The following ASRGL1 variants were observed in gnomAD, a reference collection of about 807,000 sequenced individuals.
ASRGL1 encodes the protein isoaspartyl peptidase/L-asparaginase.
A neutral mutation model predicts 22.4 loss-of-function variants in ASRGL1; 16 were observed. The observed-to-expected ratio is 0.71, with a 90% CI of 0.48 to 1.08. The LOEUF (loss-of-function observed/expected upper bound fraction) is 1.08. Ranked by LOEUF, ASRGL1 falls within the 50% of genes least tolerant of loss-of-function variation. The pLI, the probability that ASRGL1 is intolerant of heterozygous loss-of-function variation, is 0.00. For synonymous variants in ASRGL1, 165 were observed against 159.3 expected (o/e 1.04, Z -0.27); for missense variants, 412 against 410.1 (o/e 1.00, Z -0.04).
chr11:62,389,269 C>G lies in ASRGL1; in HGVS notation c.610+18C>G. On this transcript the variant is annotated intron_variant, in intron 5 of 6. Transcript: ENST00000415229. ...GTGTCTAGGTAGGACCAAGGGATGC[C>G]TCCTGCCCCTTCCCCTCTTCTCCCG... 1.9e-6 allele frequency: 3 copies of G among 1,593,040 alleles called. No homozygotes were observed. The highest frequency in any genetic ancestry group is 2.6e-6 in the Non-Finnish European group (3 of 1,160,826).
Position 62,389,160 on chromosome 11 carries a change from C to T in ASRGL1, c.519C>T (p.Ala173=). Residue 173 remains alanine (A), a synonymous_variant, in exon 5 of 7, where the codon GCC becomes GCT. Transcript: ENST00000415229. The part of the protein sequence containing the change: ...QKNLGTVGAV[A]LDCKGNVAYA... The stretch of plus-strand genomic sequence containing the variant: ...ACTTGGGAACCGTGGGTGCTGTTGC[C>T]TTGGACTGCAAAGGGAATGTAGCCT... 2 of 1,613,864 alleles carry T rather than the reference C, an allele frequency of 1.2e-6. No homozygotes were observed. Among genetic ancestry groups the T allele is most frequent in the Non-Finnish European group, 1.7e-6 (2 of 1,179,834 alleles).
chr11:62,338,448 A>G, intron 2 of ASRGL1: 1 of 379,316 alleles, frequency 2.6e-6, no homozygotes, highest in South Asian at 6.0e-5. Context: ...ATAAGATGTC[A>G]ATCAGTACAT....
intron 2 of ASRGL1, among the ~76,000 whole-genome samples, chr11:62,342,781 G>C (rs1261444356): frequency 5.3e-5 from 8 of 151,812 alleles, no homozygotes; most frequent in Admixed American, 5.3e-4. Flanking sequence ...AGTCATAAAT[G>C]GAATCACACA....
rs959296704 is a variant in ASRGL1, at chr11:62,355,075, G to A, written c.191-1250G>A. 7.3e-5 allele frequency among the ~76,000 whole-genome samples: 11 copies of A among 151,394 alleles called. No homozygotes were observed. The East Asian group carries it at 1.9e-3, about 27-fold the overall frequency. ...TGGGATTACAGGCACGCACCACCAC[G>A]CCTGGCTAGTTTTTATATTTTTAGT... On this transcript the variant is annotated intron_variant, in intron 2 of 6. Coordinates refer to ENST00000415229, the MANE Select transcript of ASRGL1 (RefSeq NM_001083926.2).
rs564551123 is a variant in ASRGL1 at position 62,357,008 on chromosome 11, G to C, written c.355G>C (p.Asp119His). 6.2e-7 allele frequency: 1 copy of C among 1,611,146 alleles called. No homozygotes were observed. The highest frequency in any genetic ancestry group is 1.3e-5 in the African/African-American group (1 of 74,758). The stretch of plus-strand genomic sequence containing the variant: ...TCAGACACCTCATTGCTTTCTGACT[G>C]ACCAAGGCGCAGCGCAGTTTGCAGC... ...MEKTPHCFLT[D>H]QGAAQFAAAM... The change falls in exon 4 of 7, where the codon GAC becomes CAC. Residue 119 changes from aspartate to histidine, a missense_variant. Physicochemically the swap from Asp to His is moderately conservative, Grantham distance 81 (BLOSUM62 -1). Transcript: ENST00000415229.
intron 4 of ASRGL1, among the ~76,000 whole-genome samples, chr11:62,365,079 A>G (rs918848396): frequency 9.2e-5 from 14 of 151,902 alleles, no homozygotes; most frequent in East Asian, 3.9e-4. Context: ...AAAAAAAAAA[A>G]AAAGAAAGAA....
intron 4 of ASRGL1, among the ~76,000 whole-genome samples, chr11:62,373,962 A>G (rs561657155): frequency 6.6e-6 from 1 of 152,356 alleles, no homozygotes; most frequent in Admixed American, 6.5e-5. Context: ...CTGCGGAGCC[A>G]GGGCTGAGCC....
At chr11:62,383,994 ATGCATCTGTGTGTG>A (rs959537208) in intron 4 of ASRGL1, among the ~76,000 whole-genome samples, 6 of 150,994 alleles carry the variant, frequency 4.0e-5, no homozygotes, top group African/African-American at 7.3e-5. Flanking sequence ...AACTTATTAA[ATGCATCTGTGTGTG>A]TGCATGTGTG....
rs1389981114 is a variant in ASRGL1 at position 62,337,943 on chromosome 11, C to T, written c.-35C>T. ...GCTTCCTTGGGCTGGCTTTGGACGACGCTTTCGCCTTCCTGCTGCCTAGGA... is the reference window on the plus strand; with the variant it reads ...GCTTCCTTGGGCTGGCTTTGGACGATGCTTTCGCCTTCCTGCTGCCTAGGA... On this transcript the variant is annotated 5_prime_UTR_variant, in exon 2 of 7. The change creates a new upstream start codon in the 5' untranslated region. Transcript: ENST00000415229. The T allele has an allele frequency of 1.3e-6, 2 of 1,561,930 alleles. No individual in the cohort carries two copies. Among genetic ancestry groups the T allele is most frequent in the Non-Finnish European group, 1.7e-6 (2 of 1,154,048 alleles).
At chr11:62,351,319 C>T (rs1420865236) in intron 2 of ASRGL1, among the ~76,000 whole-genome samples, 1 of 152,094 alleles carries the variant, frequency 6.6e-6, no homozygotes, top group Non-Finnish European at 1.5e-5. Context: ...CCAATTTTTT[C>T]TCCTTTCTTT....
intron 2 of ASRGL1, among the ~76,000 whole-genome samples, chr11:62,353,031 T>G (rs1019375159): frequency 2.0e-5 from 3 of 152,164 alleles, no homozygotes; most frequent in African/African-American, 7.2e-5. Flanking sequence ...CCACCCATTT[T>G]CTCCTCCCAT....
At chr11:62,375,891 C>G (rs1272274414) in intron 4 of ASRGL1, among the ~76,000 whole-genome samples, 1 of 151,730 alleles carries the variant, frequency 6.6e-6, no homozygotes, top group East Asian at 1.9e-4. Flanking sequence ...GCGGGTGGAT[C>G]ACGAGATCAA....
chr11:62,365,815 T>A (rs1455214608), intron 4 of ASRGL1, among the ~76,000 whole-genome samples: 1 of 152,104 alleles, frequency 6.6e-6, no homozygotes, highest in African/African-American at 2.4e-5. Flanking sequence ...CACCACTGCA[T>A]TTCAGCTTGG....
chr11:62,390,993 G>C (rs1947323246), intron 5 of ASRGL1, among the ~76,000 whole-genome samples: 1 of 152,184 alleles, frequency 6.6e-6, no homozygotes, highest in Admixed American at 6.5e-5. Context: ...TTTCACTCCA[G>C]ACCCCCACTT....
At chr11:62,366,803 A>G (rs1015418360) in intron 4 of ASRGL1, among the ~76,000 whole-genome samples, 1 of 152,142 alleles carries the variant, frequency 6.6e-6, no homozygotes, top group Non-Finnish European at 1.5e-5. Context: ...AAGCCACTGT[A>G]CCTGGCTCTT....
chr11:62,392,259 ATAC>A lies in ASRGL1; in HGVS notation c.908_910del (p.Thr303del), dbSNP rs753470707. The stretch of plus-strand genomic sequence containing the variant: ...CTGCACTTCGGAATTGATCCTGACG[ATAC>A]TACTATCACCGACCTTCCCTAAGCC... On this transcript the variant is annotated inframe_deletion, in exon 7 of 7. Coordinates refer to ENST00000415229, the MANE Select transcript of ASRGL1 (RefSeq NM_001083926.2). The A allele has an allele frequency of 8.1e-6, 13 of 1,613,880 alleles. No homozygotes were observed. In the African/African-American group the frequency reaches 1.6e-4, roughly 20 times the overall value.
At chr11:62,391,890 C>A in intron 6 of ASRGL1, 189 bp from the exon 7 acceptor site, 1 of 750,998 alleles carries the variant, frequency 1.3e-6, no homozygotes, top group Non-Finnish European at 2.1e-6. Flanking sequence ...GAGGGAAGAC[C>A]CCTCTGCTCA....
At chr11:62,398,642 T>C in the ASRGL1 span, among the ~76,000 whole-genome samples, 2 of 152,182 alleles carry the variant, frequency 1.3e-5, no homozygotes, top group African/African-American at 4.8e-5. Context: ...TCCTCCCATC[T>C]GCTCCCCGCC....
chr11:62,386,281 G>A (rs755174980), intron 4 of ASRGL1, among the ~76,000 whole-genome samples: 7 of 152,106 alleles, frequency 4.6e-5, no homozygotes, highest in Non-Finnish European at 8.8e-5. Context: ...CCTTATCTGC[G>A]GTTTCACTTT....
Sources: allele counts gnomAD v4.1 joint callset (sites outside exome capture counted in the v4.1 genomes callset), GRCh38; gene constraint gnomAD v4.1.1; transcripts MANE v1.5; gene names NCBI Gene and HGNC (gene_info 2026-07-23, HGNC 2026-07-21).